FNBP1: variants seen among roughly 807,000 people sequenced by gnomAD.
The protein encoded by FNBP1 is formin binding protein 1, also known as formin-binding protein 1.
FNBP1 carries 26 observed loss-of-function variants against 90.6 expected under a neutral mutation model. The ratio of observed to expected loss-of-function variants is 0.29; its 90% CI spans 0.21 to 0.40. FNBP1 has a LOEUF of 0.40. Among genes scored for constraint, FNBP1 ranks in the 10% least tolerant of loss-of-function variants. The pLI is 1.00. For missense variants in FNBP1, 635 were observed against 768.0 expected, an observed-to-expected ratio of 0.83 and a Z score of 2.05; for synonymous variants, 260 against 265.2, an observed-to-expected ratio of 0.98 and a Z score of 0.19.
At chr9:130,029,875 T>G (rs1281735080) in intron 1 of FNBP1, among the ~76,000 whole-genome samples, 1 of 151,966 alleles carries the variant, frequency 6.6e-6, no homozygotes, top group Non-Finnish European at 1.5e-5. Flanking sequence ...TCCCAGCTAC[T>G]TGGGAAGTTG....
chr9:130,036,429 TAC>T (rs1290781544), intron 1 of FNBP1, among the ~76,000 whole-genome samples: 4 of 152,328 alleles, frequency 2.6e-5, no homozygotes, highest in Middle Eastern at 3.4e-3. Context: ...GTGCTTAAAG[TAC>T]AGTTTTGCCT....
chr9:129,907,580 G>GGTGTGTGTGT (rs55973122), intron 12 of FNBP1, among the ~76,000 whole-genome samples: 34 of 147,202 alleles, frequency 2.3e-4, no homozygotes, highest in African/African-American at 7.3e-4. Context: ...TAGGAGTGAG[G>GGTGTGTGTGT]GTGTGTGTGT....
At chr9:129,952,334 A>G (rs1000257050) in intron 6 of FNBP1, among the ~76,000 whole-genome samples, 1 of 151,912 alleles carries the variant, frequency 6.6e-6, no homozygotes, top group East Asian at 1.9e-4. Flanking sequence ...CCTCGTCTCT[A>G]CTAAAAACAT....
intron 6 of FNBP1, among the ~76,000 whole-genome samples, chr9:129,949,129 TC>T (rs2045792088): frequency 6.6e-6 from 1 of 152,030 alleles, no homozygotes; most frequent in South Asian, 2.1e-4. Flanking sequence ...GGATGACCTA[TC>T]CCAACATGTA....
chr9:129,927,698 C>T (rs2042115252), intron 7 of FNBP1, among the ~76,000 whole-genome samples: 1 of 152,100 alleles, frequency 6.6e-6, no homozygotes, highest in African/African-American at 2.4e-5. Context: ...CAACCTCTGC[C>T]TCCAGGTTCA....
chr9:129,916,444 C>G (rs931611256), intron 10 of FNBP1, among the ~76,000 whole-genome samples: 1 of 151,992 alleles, frequency 6.6e-6, no homozygotes, highest in East Asian at 1.9e-4. Flanking sequence ...ACGGAGAAAC[C>G]CTGTCTCTAC....
chr9:130,015,663 C>T (rs1284906680), intron 1 of FNBP1, among the ~76,000 whole-genome samples: 1 of 152,016 alleles, frequency 6.6e-6, no homozygotes, highest in Non-Finnish European at 1.5e-5. Flanking sequence ...GCTTTTTTTG[C>T]ATTTATTTCT....
At chr9:129,949,690 G>A (rs1436725121) in intron 6 of FNBP1, among the ~76,000 whole-genome samples, 16 of 149,112 alleles carry the variant, frequency 1.1e-4, no homozygotes, top group Admixed American at 1.0e-3. Flanking sequence ...GCAAAACCTC[G>A]ATCACCACAA....
intron 6 of FNBP1, among the ~76,000 whole-genome samples, chr9:129,935,532 G>C (rs1421500403): frequency 1.3e-5 from 2 of 152,020 alleles, no homozygotes; most frequent in South Asian, 2.1e-4. Flanking sequence ...CTGTTGCCCA[G>C]GCTGGAGTGC....
chr9:129,990,302 T>C (rs2052925496), intron 2 of FNBP1, among the ~76,000 whole-genome samples: 2 of 151,984 alleles, frequency 1.3e-5, no homozygotes. Context: ...ACCAGTAATA[T>C]AGGAAAACTG....
At chr9:130,020,280 T>C (rs2057690933) in intron 1 of FNBP1, among the ~76,000 whole-genome samples, 1 of 152,164 alleles carries the variant, frequency 6.6e-6, no homozygotes. Flanking sequence ...CGACCTTGGC[T>C]CACTGCTTAC....
chr9:129,975,857 C>T (rs1056134595), intron 4 of FNBP1, among the ~76,000 whole-genome samples: 3 of 134,416 alleles, frequency 2.2e-5, no homozygotes, highest in Admixed American at 8.5e-5. Context: ...TAGGCGAGAT[C>T]GTGCCACTGC....
intron 6 of FNBP1, among the ~76,000 whole-genome samples, chr9:129,938,555 T>TTTTTTTTTA (rs1381927359): frequency 6.6e-6 from 1 of 151,702 alleles, no homozygotes. Context: ...TTTTTTTTTT[T>TTTTTTTTTA]GAAAACAGTC....
At chr9:130,001,985 G>A (rs887667978) in intron 1 of FNBP1, among the ~76,000 whole-genome samples, 19 of 148,308 alleles carry the variant, frequency 1.3e-4, no homozygotes, top group Non-Finnish European at 2.1e-4. Context: ...CTGAGATCGC[G>A]CCACTGCACT....
chr9:129,943,874 C>A (rs2044737725), intron 6 of FNBP1, among the ~76,000 whole-genome samples: 1 of 150,026 alleles, frequency 6.7e-6, no homozygotes, highest in Admixed American at 6.8e-5. Context: ...GGGCCTGTAT[C>A]CCCAGCTACT....
chr9:129,921,845 T>A (rs1193446920), intron 10 of FNBP1, among the ~76,000 whole-genome samples: 1 of 152,204 alleles, frequency 6.6e-6, no homozygotes, highest in African/African-American at 2.4e-5. Context: ...TAATTAGTTG[T>A]AGTTTAGAAT....
intron 4 of FNBP1, among the ~76,000 whole-genome samples, chr9:129,958,784 AG>A (rs2047329274): frequency 6.6e-6 from 1 of 151,628 alleles, no homozygotes; most frequent in Admixed American, 6.6e-5. Context: ...AGTTCAAGAC[AG>A]CCTGGGCAAC....
At chr9:130,017,256 A>G (rs542237730) in intron 1 of FNBP1, among the ~76,000 whole-genome samples, 88 of 152,326 alleles carry the variant, frequency 5.8e-4, no homozygotes, top group Non-Finnish European at 1.1e-3. Flanking sequence ...AGAATGTGAG[A>G]TATCTAAGTG....
At position 129,887,614 on chromosome 9, in the gene FNBP1, G is replaced by A; in HGVS notation, c.*2925C>T. Reference sequence around the variant, plus strand: ...CGCTGCGCTGGTTAGACAAGCCGCAGGCTTATCTCCACGGTGAGCAGGATA... The same window carrying A: ...CGCTGCGCTGGTTAGACAAGCCGCAAGCTTATCTCCACGGTGAGCAGGATA... On this transcript the variant is annotated 3_prime_UTR_variant, in exon 17 of 17. Coordinates refer to ENST00000446176, the MANE Select transcript of FNBP1 (RefSeq NM_015033.3). The A allele has an allele frequency of 4.6e-6, 1 of 217,154 alleles. No individual in the cohort carries two copies. Among genetic ancestry groups the A allele is most frequent in the Non-Finnish European group, 9.3e-6 (1 of 107,924 alleles). The allele number at this position is 217,154 out of a possible 1,614,324, so 13.5% of individuals were successfully genotyped here. A position where few individuals can be genotyped will look rare whatever the true frequency, so the allele number is the denominator to read the frequency against.
Sources: gnomAD v4.1 joint callset for allele counts (sites outside exome capture counted in the v4.1 genomes callset) on GRCh38, gnomAD v4.1.1 for gene constraint, MANE v1.5 for transcripts, NCBI Gene and HGNC (gene_info 2026-07-23, HGNC 2026-07-21) for gene names.